The following CNIH4 variants were observed in gnomAD, a reference collection of about 807,000 sequenced individuals.
CNIH4 encodes protein cornichon homolog 4.
CNIH4 carries 9 observed loss-of-function variants against 21.5 expected under a neutral mutation model. That is an observed-to-expected ratio of 0.42 (90% CI 0.25 to 0.73). The LOEUF is 0.73. Ranked by LOEUF, CNIH4 falls within the 30% of genes least tolerant of loss-of-function variation. The pLI is 0.27. For synonymous variants in CNIH4, 67 were observed against 59.1 expected (o/e 1.13, Z -0.61); for missense variants, 159 against 170.0 (o/e 0.94, Z 0.36).
intron 4 of CNIH4, among the ~76,000 whole-genome samples, chr1:224,373,185 C>CA (rs1672681491): frequency 6.6e-6 from 1 of 151,960 alleles, no homozygotes; most frequent in African/African-American, 2.4e-5. Context: ...GAATAAGGAG[C>CA]AAAAAAAGTT....
At position 224,376,711 on chromosome 1, in the gene CNIH4, C is replaced by A; in HGVS notation, c.*889C>A. ...AACACTTCTATCCCTCTGCACTGAC[C>A]ACGTTGTGAACTGGGAGACCAAATG... On this transcript the variant is annotated 3_prime_UTR_variant, in exon 5 of 5. Transcript: ENST00000465271. 1.0e-6 allele frequency: 1 copy of A among 985,414 alleles called. No individual in the cohort carries two copies. Among genetic ancestry groups the A allele is most frequent in the Non-Finnish European group, 1.2e-6 (1 of 829,932 alleles). The allele number at this position is 985,414 out of a possible 1,614,324, so 61.0% of individuals were successfully genotyped here.
chr1:224,365,929 C>T lies in CNIH4; in HGVS notation c.189C>T (p.Leu63=). ...ATACCATTGTCACTGTATTACTGCTCATGTCATTGCACTGGTTCATCTTCC... is the reference window on the plus strand; with the variant it reads ...ATACCATTGTCACTGTATTACTGCTTATGTCATTGCACTGGTTCATCTTCC... The part of the protein sequence containing the change: ...IGHTIVTVLL[L]MSLHWFIFLL... The change falls in exon 3 of 5, where the codon CTC becomes CTT. Residue 63 remains leucine (L), a synonymous_variant. Coordinates refer to ENST00000465271, the MANE Select transcript of CNIH4 (RefSeq NM_014184.4). The T allele has an allele frequency of 6.2e-7, 1 of 1,613,238 alleles. No individual in the cohort carries two copies. Among genetic ancestry groups the T allele is most frequent in the Non-Finnish European group, 8.5e-7 (1 of 1,179,178 alleles).
intron 1 of CNIH4, among the ~76,000 whole-genome samples, chr1:224,358,720 C>T (rs950212439): frequency 6.6e-6 from 1 of 152,154 alleles, no homozygotes; most frequent in Non-Finnish European, 1.5e-5. Context: ...AGAAATGTAG[C>T]TGGGTTTTTT....
At chr1:224,370,957 A>T (rs998149807) in intron 3 of CNIH4, among the ~76,000 whole-genome samples, 1 of 151,154 alleles carries the variant, frequency 6.6e-6, no homozygotes, top group South Asian at 2.1e-4. Flanking sequence ...GTTCACTGCA[A>T]CCTCTGCCTT....
At chr1:224,368,053 G>A (rs977088725) in intron 3 of CNIH4, among the ~76,000 whole-genome samples, 3 of 152,200 alleles carry the variant, frequency 2.0e-5, no homozygotes, top group Non-Finnish European at 4.4e-5. Flanking sequence ...TTTTTAGGCC[G>A]GGCGTGGTGG....
rs2102865519 is a variant in CNIH4 at position 224,371,328 on chromosome 1, A to C, written c.297A>C (p.Thr99=). 2 of 1,614,156 alleles carry C rather than the reference A, an allele frequency of 1.2e-6. No individual in the cohort carries two copies. The highest frequency in any genetic ancestry group is 2.2e-5 in the East Asian group (1 of 44,888). The change falls in exon 4 of 5, where the codon ACA becomes ACC. Residue 99 remains threonine, a synonymous_variant. Transcript: ENST00000465271. ...GTAACATGGGAGTGTTTGATCCAAC[A>C]GAAATACACAATCGAGGGCAGCTGA... ...PSGNMGVFDP[T]EIHNRGQLKS... is the part of the protein sequence containing the mutation.
At chr1:224,363,878 G>C (rs1672371863) in intron 2 of CNIH4, among the ~76,000 whole-genome samples, 1 of 152,082 alleles carries the variant, frequency 6.6e-6, no homozygotes, top group Non-Finnish European at 1.5e-5. Context: ...CTTTTGTTGG[G>C]GTACCTGAAA....
rs191488443 is a variant in CNIH4, at chr1:224,371,002, G to A, written c.252-281G>A. ...GGTGATTATCCTGCCTCAGCTTCTC[G>A]AGTAGCTGGAATTCCAGTTGCCTGC... On this transcript the variant is annotated intron_variant, in intron 3 of 4. Transcript: ENST00000465271. Among the ~76,000 whole-genome samples, 234 of 151,222 alleles carry A rather than the reference G, an allele frequency of 1.5e-3. 1 individual carries two copies. The highest frequency in any genetic ancestry group is 5.4e-3 in the African/African-American group (223 of 41,206).
Position 224,376,214 on chromosome 1 carries a change from A to G in CNIH4, c.*392A>G. On this transcript the variant is annotated 3_prime_UTR_variant, in exon 5 of 5. Transcript: ENST00000465271. Reference sequence around the variant, plus strand: ...AGGTCTACTGAAAAGTTAGAGTACAAAACAACACTGTTGATCTGGACAAAA... The same window carrying G: ...AGGTCTACTGAAAAGTTAGAGTACAGAACAACACTGTTGATCTGGACAAAA... 1 of 999,062 alleles carries G rather than the reference A, an allele frequency of 1.0e-6. No homozygotes were observed. The highest frequency in any genetic ancestry group is 1.2e-6 in the Non-Finnish European group (1 of 839,338). The allele number at this position is 999,062 out of a possible 1,614,324, so 61.9% of individuals were successfully genotyped here. A position where few individuals can be genotyped will look rare whatever the true frequency, so the allele number is the denominator to read the frequency against.
Position 224,376,424 on chromosome 1 carries a change from G to T in CNIH4, c.*602G>T. The T allele has an allele frequency of 1.0e-6, 1 of 985,272 alleles. No homozygotes were observed. The highest frequency in any genetic ancestry group is 1.2e-6 in the Non-Finnish European group (1 of 829,894). 61.0% of individuals were successfully genotyped at this position (985,272 alleles called of 1,614,324 possible). A position where few individuals can be genotyped will look rare whatever the true frequency, so the allele number is the denominator to read the frequency against. ...AGCCATTTTCCCCAGGTACAATGTA[G>T]TTCCTGCTGATAGAAAGGAAATATT... is the stretch of plus-strand genomic sequence containing the variant. On this transcript the variant is annotated 3_prime_UTR_variant, in exon 5 of 5. Coordinates refer to ENST00000465271, the MANE Select transcript of CNIH4 (RefSeq NM_014184.4).
In CNIH4 at chr1:224,365,371, C is replaced by T. The variant is rs146742950; in HGVS notation, c.139-508C>T. Among the ~76,000 whole-genome samples, 286 of 152,346 alleles carry T rather than the reference C, an allele frequency of 1.9e-3. 5 individuals are homozygous for T. The East Asian group carries it at 0.045, about 24-fold the overall frequency. ...GGATTCTGGCATTCTGCTTCATTAT[C>T]ATATTTGGTCAACTTTGAGCTATTA... On this transcript the variant is annotated intron_variant, in intron 2 of 4. Transcript: ENST00000465271.
At chr1:224,360,397 T>A in intron 1 of CNIH4, 98 bp from the exon 2 acceptor site, 1 of 593,562 alleles carries the variant, frequency 1.7e-6, no homozygotes, top group South Asian at 2.9e-5. Flanking sequence ...TTTTTTCAAG[T>A]CAAATCTAAT....
chr1:224,371,154 G>A (rs1450259384), intron 3 of CNIH4, 129 bp from the exon 4 acceptor site: 13 of 925,408 alleles, frequency 1.4e-5, no homozygotes, highest in East Asian at 1.1e-4. Context: ...TGGGATTACC[G>A]GCATGAGCCA....
intron 3 of CNIH4, 102 bp from the exon 4 acceptor site, chr1:224,371,181 T>A: frequency 8.0e-7 from 1 of 1,251,086 alleles, no homozygotes; most frequent in Non-Finnish European, 1.1e-6. Context: ...TGGGCCTGAT[T>A]GGTTCACTTT....
intron 3 of CNIH4, among the ~76,000 whole-genome samples, chr1:224,366,847 C>T (rs933793500): frequency 2.0e-5 from 3 of 151,600 alleles, no homozygotes; most frequent in Non-Finnish European, 2.9e-5. Flanking sequence ...CCTGTAGTCC[C>T]AGCTACTTGG....
chr1:224,376,968 G>C lies in CNIH4; in HGVS notation c.*1146G>C. 8.4e-6 allele frequency: 8 copies of C among 950,158 alleles called. No homozygotes were observed. The highest frequency in any genetic ancestry group is 1.0e-5 in the Non-Finnish European group (8 of 797,850). The allele number at this position is 950,158 out of a possible 1,614,324, so 58.9% of individuals were successfully genotyped here. ...CTGTGTTCTGTGGGAGAATCCAAAG[G>C]CATTATTCACTCTAGTTGAGATAGA... On this transcript the variant is annotated 3_prime_UTR_variant, in exon 5 of 5. Transcript: ENST00000465271.
intron 1 of CNIH4, among the ~76,000 whole-genome samples, chr1:224,360,135 A>G (rs1361089875): frequency 1.3e-5 from 2 of 151,498 alleles, no homozygotes; most frequent in East Asian, 3.9e-4. Flanking sequence ...GAGGCTTGCT[A>G]TGTTGCCTAT....
chr1:224,379,195 A>G lies in CNIH4; in HGVS notation c.*3373A>G. ...TCAGCTGCCTTTTCATGCCTGCCACAGACTACAGTAGGACAAAACCTGACC... is the reference window on the plus strand; with the variant it reads ...TCAGCTGCCTTTTCATGCCTGCCACGGACTACAGTAGGACAAAACCTGACC... On this transcript the variant is annotated 3_prime_UTR_variant, in exon 5 of 5. Transcript: ENST00000465271. 1 of 1,177,148 alleles carries G rather than the reference A, an allele frequency of 8.5e-7. No homozygotes were observed. Among genetic ancestry groups the G allele is most frequent in the Non-Finnish European group, 1.2e-6 (1 of 808,820 alleles). 72.9% of individuals were successfully genotyped at this position (1,177,148 alleles called of 1,614,324 possible).
chr1:224,372,749 A>AT lies in CNIH4; in HGVS notation c.392+1342dup, dbSNP rs1180129801. 6.9e-3 allele frequency among the ~76,000 whole-genome samples: 967 copies of AT among 140,396 alleles called. 5 individuals carry two copies. Among genetic ancestry groups the AT allele is most frequent in the Non-Finnish European group, 9.4e-3 (601 of 63,958 alleles). 92.1% of individuals were successfully genotyped at this position (140,396 alleles called of 152,430 possible). A position where few individuals can be genotyped will look rare whatever the true frequency, so the allele number is the denominator to read the frequency against. On this transcript the variant is annotated intron_variant, in intron 4 of 4. Transcript: ENST00000465271. ...AGGTGCGTGCCACCACGCCTGGCTAATTTTTTTTTTTTTTTTCTATTTTTA... is the reference window on the plus strand; with the variant it reads ...AGGTGCGTGCCACCACGCCTGGCTAATTTTTTTTTTTTTTTTTCTATTTTTA...
Sources: allele counts gnomAD v4.1 joint callset (sites outside exome capture counted in the v4.1 genomes callset), GRCh38; gene constraint gnomAD v4.1.1; transcripts MANE v1.5; gene names NCBI Gene and HGNC (gene_info 2026-07-23, HGNC 2026-07-21).